SLC44A1: variants seen among roughly 807,000 people sequenced by gnomAD.
SLC44A1 encodes the protein solute carrier family 44 member 1.
SLC44A1 carries 26 observed loss-of-function variants against 79.3 expected under a neutral mutation model. The observed-to-expected ratio is 0.33, with a 90% CI of 0.24 to 0.46. The LOEUF (loss-of-function observed/expected upper bound fraction) is 0.46. Among genes scored for constraint, SLC44A1 ranks in the 20% least tolerant of loss-of-function variants. The pLI, the probability that SLC44A1 is intolerant of heterozygous loss-of-function variation, is 1.00. For missense variants in SLC44A1, 688 were observed against 798.1 expected, an observed-to-expected ratio of 0.86 and a Z score of 1.66; for synonymous variants, 263 against 286.2, an observed-to-expected ratio of 0.92 and a Z score of 0.82.
intron 1 of SLC44A1, among the ~76,000 whole-genome samples, chr9:105,290,718 C>G (rs1830584100): frequency 6.6e-6 from 1 of 152,180 alleles, no homozygotes; most frequent in Non-Finnish European, 1.5e-5. Flanking sequence ...GGCAATTTAT[C>G]TCTCTGTGAT....
chr9:105,378,809 A>G (rs1013070104), intron 13 of SLC44A1, among the ~76,000 whole-genome samples: 3 of 152,220 alleles, frequency 2.0e-5, no homozygotes, highest in African/African-American at 2.4e-5. Context: ...GGCTGCTAGC[A>G]TGCAGAATTT....
chr9:105,391,204 C>A lies in SLC44A1; in HGVS notation c.*2148C>A. On this transcript the variant is annotated 3_prime_UTR_variant, in exon 16 of 16. Transcript: ENST00000374720. ...AATTAGGTTCTACTCACTTGGACAT[C>A]CCTGCATCATGGACTGTTGCTGCTC... The A allele has an allele frequency of 1.0e-6, 1 of 985,760 alleles. No homozygotes were observed. Among genetic ancestry groups the A allele is most frequent in the Non-Finnish European group, 1.2e-6 (1 of 829,924 alleles). 61.1% of individuals were successfully genotyped at this position (985,760 alleles called of 1,614,324 possible).
chr9:105,351,632 G>GAGAGAGAAAGAAAGAAAGAA (rs1554797207), intron 5 of SLC44A1, among the ~76,000 whole-genome samples: 8 of 101,392 alleles, frequency 7.9e-5, no homozygotes, highest in Admixed American at 4.9e-4. Flanking sequence ...GAGAGAGAAA[G>GAGAGAGAAAGAAAGAAAGAA]AGAAAGAAAG....
In SLC44A1 at chr9:105,394,593, G is replaced by A; in HGVS notation, c.*5537G>A. 2.0e-6 allele frequency: 2 copies of A among 984,962 alleles called. No individual in the cohort carries two copies. Among genetic ancestry groups the A allele is most frequent in the Non-Finnish European group, 2.4e-6 (2 of 829,810 alleles). 61.0% of individuals were successfully genotyped at this position (984,962 alleles called of 1,614,324 possible). A position where few individuals can be genotyped will look rare whatever the true frequency, so the allele number is the denominator to read the frequency against. ...ACCAAAACACTTGATTCTTTTTATT[G>A]TAGCTCAGCTATGACATTATGACAT... On this transcript the variant is annotated 3_prime_UTR_variant, in exon 16 of 16. Transcript: ENST00000374720.
intron 1 of SLC44A1, among the ~76,000 whole-genome samples, chr9:105,291,972 TAA>T (rs1830611245): frequency 6.6e-6 from 1 of 152,170 alleles, no homozygotes; most frequent in South Asian, 2.1e-4. Context: ...GAAAAAAATA[TAA>T]GAGTATGAGT....
intron 1 of SLC44A1, among the ~76,000 whole-genome samples, chr9:105,252,066 TAATA>T (rs1426745761): frequency 6.6e-6 from 1 of 152,232 alleles, no homozygotes; most frequent in Non-Finnish European, 1.5e-5. Flanking sequence ...GAAATTTATT[TAATA>T]AATTATGAAA....
At position 105,371,096 on chromosome 9, in the gene SLC44A1, T is replaced by C. The variant is rs563615882; in HGVS notation, c.1495-3502T>C. On this transcript the variant is annotated intron_variant, in intron 12 of 15. Coordinates refer to ENST00000374720, the MANE Select transcript of SLC44A1 (RefSeq NM_080546.5). ...ACCTTTGTCAATTAAATTGTTGAAC[T>C]GAAGAATTACAGTGAAAGATGCTGA... Among the ~76,000 whole-genome samples the C allele has an allele frequency of 3.3e-5, 5 of 152,324 alleles. 1 individual carries two copies. In the South Asian group the frequency reaches 1.0e-3, roughly 32 times the overall value.
At chr9:105,332,677 G>A (rs1323653899) in intron 3 of SLC44A1, among the ~76,000 whole-genome samples, 2 of 152,026 alleles carry the variant, frequency 1.3e-5, no homozygotes, top group Non-Finnish European at 1.5e-5. Flanking sequence ...GTTCTCAAGG[G>A]TAATGACCTT....
chr9:105,397,724 C>T (rs1828902929), downstream of SLC44A1, among the ~76,000 whole-genome samples: 1 of 151,952 alleles, frequency 6.6e-6, no homozygotes, highest in Non-Finnish European at 1.5e-5. Flanking sequence ...GCGGACAGAT[C>T]ACAAGATGAG....
At chr9:105,368,015 G>T (rs185667228) in intron 12 of SLC44A1, among the ~76,000 whole-genome samples, 4 of 152,116 alleles carry the variant, frequency 2.6e-5, no homozygotes, top group Non-Finnish European at 5.9e-5. Flanking sequence ...GACTCAAAAA[G>T]ACTAACAGGG....
intron 1 of SLC44A1, among the ~76,000 whole-genome samples, chr9:105,260,957 G>T (rs1780006814): frequency 6.6e-6 from 1 of 152,216 alleles, no homozygotes; most frequent in Non-Finnish European, 1.5e-5. Context: ...AATACATATG[G>T]AACAGGGATG....
downstream of SLC44A1, among the ~76,000 whole-genome samples, chr9:105,397,964 GAAAAA>G (rs200868884): frequency 1.3e-5 from 2 of 151,522 alleles, no homozygotes; most frequent in African/African-American, 4.9e-5. Flanking sequence ...AAAAAAAAAA[GAAAAA>G]AAGAAAAGAA....
intron 1 of SLC44A1, among the ~76,000 whole-genome samples, chr9:105,298,332 G>A (rs534640786): frequency 2.8e-4 from 43 of 151,608 alleles, no homozygotes; most frequent in African/African-American, 6.6e-4. Context: ...TAGGAATCCC[G>A]TTTTTGTTGT....
At chr9:105,276,586 G>GTGTGTA (rs1830209645) in intron 1 of SLC44A1, among the ~76,000 whole-genome samples, 1 of 147,746 alleles carries the variant, frequency 6.8e-6, no homozygotes, top group Non-Finnish European at 1.5e-5. Flanking sequence ...GTGTGTGTGT[G>GTGTGTA]TGTGTGTGTG....
chr9:105,268,024 G>C (rs1324167351), intron 1 of SLC44A1, among the ~76,000 whole-genome samples: 2 of 152,144 alleles, frequency 1.3e-5, no homozygotes, highest in African/African-American at 4.8e-5. Context: ...AGGGAAAGAA[G>C]GTTGGGGTGG....
intron 13 of SLC44A1, among the ~76,000 whole-genome samples, chr9:105,377,669 G>A (rs977940104): frequency 5.9e-5 from 9 of 151,520 alleles, no homozygotes; most frequent in East Asian, 2.0e-4. Context: ...AGGCTGAGGC[G>A]GAGAATCGCT....
rs186607725 is a variant in SLC44A1 at position 105,284,860 on chromosome 9, C to T, written c.37-14360C>T. Reference sequence around the variant, plus strand: ...TAGTATGTTCATAGAGTTGAATAGCCACCGCCACAATCAGTTTTAGAACAT... The same window carrying T: ...TAGTATGTTCATAGAGTTGAATAGCTACCGCCACAATCAGTTTTAGAACAT... On this transcript the variant is annotated intron_variant, in intron 1 of 15. Coordinates refer to ENST00000374720, the MANE Select transcript of SLC44A1 (RefSeq NM_080546.5). Among the ~76,000 whole-genome samples, 813 of 152,194 alleles carry T rather than the reference C, an allele frequency of 5.3e-3. 6 individuals are homozygous for T. Among genetic ancestry groups the T allele is most frequent in the African/African-American group, 0.019 (787 of 41,526 alleles).
At chr9:105,363,176 T>TG (rs1157066764) in intron 9 of SLC44A1, among the ~76,000 whole-genome samples, 169 bp downstream of exon 9, 1 of 152,200 alleles carries the variant, frequency 6.6e-6, no homozygotes, top group African/African-American at 2.4e-5. Context: ...TCGTCTTTTT[T>TG]TTTTGAGACA....
intron 13 of SLC44A1, among the ~76,000 whole-genome samples, chr9:105,382,708 A>T (rs541178093): frequency 3.3e-5 from 5 of 152,260 alleles, no homozygotes; most frequent in Middle Eastern, 3.4e-3. Context: ...ATATAATACT[A>T]TTTCATATAT....
Sources: allele counts gnomAD v4.1 joint callset (sites outside exome capture counted in the v4.1 genomes callset), GRCh38; gene constraint gnomAD v4.1.1; transcripts MANE v1.5; gene names NCBI Gene and HGNC (gene_info 2026-07-23, HGNC 2026-07-21).